ZFR2: variants seen among roughly 807,000 people sequenced by gnomAD.
The protein encoded by ZFR2 is zinc finger RNA-binding protein 2.
A neutral mutation model predicts 105.7 loss-of-function variants in ZFR2; 104 were observed. That is an observed-to-expected ratio of 0.98 (90% CI 0.84 to 1.16). The LOEUF (loss-of-function observed/expected upper bound fraction) is 1.16, where lower values mean the gene tolerates loss of function less well. Ranked by LOEUF, ZFR2 falls within the 50% of genes most tolerant of loss-of-function variation. The pLI is 0.00. For synonymous variants in ZFR2, 634 were observed against 597.7 expected, an observed-to-expected ratio of 1.06 and a Z score of -0.89; for missense variants, 1,425 against 1,355.5, an observed-to-expected ratio of 1.05 and a Z score of -0.80.
rs920160972 is a variant in ZFR2, at chr19:3,838,965, G to T, written c.54-3982C>A. ...CAGGCACATGTGCTGAACGGCGCTT[G>T]TGTTGGGGAGGGCTCTGTCAGACAC... is the stretch of plus-strand genomic sequence containing the variant. On this transcript the variant is annotated intron_variant, in intron 1 of 18. Coordinates refer to ENST00000262961, the MANE Select transcript of ZFR2 (RefSeq NM_015174.2). This position sits in a 1 kb window ranked among gnomAD's most constrained non-coding sequence, Gnocchi z 4.9. 2.6e-5 allele frequency among the ~76,000 whole-genome samples: 4 copies of T among 152,126 alleles called. No individual in the cohort carries two copies. In the South Asian group the frequency reaches 6.2e-4, roughly 24 times the overall value.
intron 13 of ZFR2, among the ~76,000 whole-genome samples, chr19:3,814,560 C>G (rs979102574): frequency 6.6e-6 from 1 of 152,206 alleles, no homozygotes; most frequent in Non-Finnish European, 1.5e-5. Flanking sequence ...TGCAAGGCAG[C>G]CCCCAGGGGG....
At chr19:3,861,815 G>A (rs1223777340) in intron 1 of ZFR2, among the ~76,000 whole-genome samples, 4 of 152,016 alleles carry the variant, frequency 2.6e-5, no homozygotes, top group African/African-American at 9.7e-5. Flanking sequence ...AGTCCCAGCT[G>A]CTAGGGAGGC....
At chr19:3,833,049 C>A (rs984123881) in intron 3 of ZFR2, among the ~76,000 whole-genome samples, 1 of 150,510 alleles carries the variant, frequency 6.6e-6, no homozygotes, top group African/African-American at 2.4e-5. Flanking sequence ...GAGTTCAAGA[C>A]CAGCCTGGCT....
At chr19:3,864,165 CTT>C (rs770621777) in intron 1 of ZFR2, among the ~76,000 whole-genome samples, 22 of 152,078 alleles carry the variant, frequency 1.4e-4, no homozygotes, top group Non-Finnish European at 2.8e-4. Context: ...CAGGAGATCT[CTT>C]GAGGCCGGTT....
intron 1 of ZFR2, among the ~76,000 whole-genome samples, chr19:3,854,234 CA>C (rs57111652): frequency 6.6e-6 from 1 of 151,504 alleles, no homozygotes; most frequent in African/African-American, 2.4e-5. Flanking sequence ...TATAAAAATA[CA>C]AAAAAAATGA....
At chr19:3,853,155 G>A (rs896625092) in intron 1 of ZFR2, among the ~76,000 whole-genome samples, 4 of 152,202 alleles carry the variant, frequency 2.6e-5, no homozygotes, top group African/African-American at 9.7e-5. Context: ...GGGGTCCCTG[G>A]GGCTGGGGAC....
At chr19:3,815,467 A>G (rs1227599265) in intron 13 of ZFR2, among the ~76,000 whole-genome samples, 1 of 152,216 alleles carries the variant, frequency 6.6e-6, no homozygotes, top group Non-Finnish European at 1.5e-5. Context: ...TCTCTAGAGG[A>G]AAAAAATTCA....
chr19:3,855,206 T>C (rs1199223628), intron 1 of ZFR2, among the ~76,000 whole-genome samples: 1 of 152,194 alleles, frequency 6.6e-6, no homozygotes, highest in Non-Finnish European at 1.5e-5. Flanking sequence ...AAGTTTTTCT[T>C]TTTTTAATGT....
At chr19:3,863,019 C>G (rs62133047) in intron 1 of ZFR2, among the ~76,000 whole-genome samples, 20,350 of 152,202 alleles carry the variant, frequency 0.13, 1,705 homozygotes, top group East Asian at 0.27. Context: ...CAGGTATGCG[C>G]CCTGGCCCCC....
intron 1 of ZFR2, among the ~76,000 whole-genome samples, chr19:3,867,491 G>A (rs528717245): frequency 6.6e-6 from 1 of 152,068 alleles, no homozygotes; most frequent in South Asian, 2.1e-4. Context: ...CCTACCCTCT[G>A]AGCCCTTCTG....
rs139483174 is a variant in ZFR2 at position 3,844,668 on chromosome 19, C to T, written c.54-9685G>A. Among the ~76,000 whole-genome samples the T allele has an allele frequency of 3.8e-3, 582 of 152,228 alleles. 4 individuals are homozygous for T. The highest frequency in any genetic ancestry group is 0.013 in the African/African-American group (556 of 41,544). ...ACATGTGTGAGCCACTGCGCCTGGC[C>T]CAATGTTTTACATTTAAATTGCATT... On this transcript the variant is annotated intron_variant, in intron 1 of 18. Transcript: ENST00000262961.
intron 1 of ZFR2, 107 bp downstream of exon 1, chr19:3,868,857 TG>T: frequency 1.0e-6 from 1 of 955,218 alleles, no homozygotes; most frequent in Non-Finnish European, 1.4e-6. Flanking sequence ...AGGTTGGGGC[TG>T]GGACTGGGGC....
At chr19:3,825,911 TG>T (rs1173821229) in intron 6 of ZFR2, among the ~76,000 whole-genome samples, 1 of 152,138 alleles carries the variant, frequency 6.6e-6, no homozygotes, top group Non-Finnish European at 1.5e-5. Context: ...AAGGTGTTTC[TG>T]GCAAAGGTTC....
rs2038107059 is a variant in ZFR2, at chr19:3,838,976, G to A, written c.54-3993C>T. 6.6e-6 allele frequency among the ~76,000 whole-genome samples: 1 copy of A among 152,058 alleles called. No individual in the cohort carries two copies. The highest frequency in any genetic ancestry group is 1.5e-5 in the Non-Finnish European group (1 of 68,000). On this transcript the variant is annotated intron_variant, in intron 1 of 18. Coordinates refer to ENST00000262961, the MANE Select transcript of ZFR2 (RefSeq NM_015174.2). The surrounding 1 kb of genome is among the most constrained non-coding windows in gnomAD (Gnocchi z 4.9). ...GCTGAACGGCGCTTGTGTTGGGGAG[G>A]GCTCTGTCAGACACCTCAGCCTGTT...
Position 3,834,906 on chromosome 19 carries a change from G to T in ZFR2, c.131C>A (p.Ala44Asp). ...TAQPTPGMDPAVNPAFPPAAP... is the reference protein window; with the variant it reads ...TAQPTPGMDPDVNPAFPPAAP... ...AGCTGGGGGAAAGGCCGGGTTCACG[G>T]CAGGGTCCATCCCAGGAGTGGGTTG... The change falls in exon 2 of 19, where the codon GCC becomes GAC. Residue 44 changes from alanine (A) to aspartate (D), a missense_variant. Ala to Asp is a moderately radical substitution (Grantham distance 126, BLOSUM62 -2). Coordinates refer to ENST00000262961, the MANE Select transcript of ZFR2 (RefSeq NM_015174.2). The surrounding 1 kb of genome is among the most constrained non-coding windows in gnomAD (Gnocchi z 5.3). 1 of 1,611,794 alleles carries T rather than the reference G, an allele frequency of 6.2e-7. No homozygotes were observed. The highest frequency in any genetic ancestry group is 8.5e-7 in the Non-Finnish European group (1 of 1,179,120).
chr19:3,821,981 G>C (rs1317703464), intron 9 of ZFR2, 100 bp downstream of exon 9: 9 of 1,454,192 alleles, frequency 6.2e-6, no homozygotes, highest in Admixed American at 2.6e-5. Context: ...TAAGTTCGTC[G>C]GATCACACGC....
chr19:3,811,873 G>A (rs1459102226), intron 14 of ZFR2, among the ~76,000 whole-genome samples: 2 of 152,152 alleles, frequency 1.3e-5, no homozygotes, highest in Non-Finnish European at 2.9e-5. Flanking sequence ...TGATCCTCCT[G>A]CCTCAGCCTC....
intron 18 of ZFR2, among the ~76,000 whole-genome samples, chr19:3,806,943 C>T (rs1199491338): frequency 2.0e-5 from 3 of 152,184 alleles, no homozygotes; most frequent in Non-Finnish European, 2.9e-5. Flanking sequence ...GAGGTCTGGG[C>T]GTCATTAACG....
Position 3,834,714 on chromosome 19 carries a change from C to T in ZFR2, c.264+59G>A. ...GTAGCTGTGGGAAGCCCACCGCTCTCACCCATGCAAGGCGACCCACGTTTC... is the reference window on the plus strand; with the variant it reads ...GTAGCTGTGGGAAGCCCACCGCTCTTACCCATGCAAGGCGACCCACGTTTC... On this transcript the variant is annotated intron_variant, in intron 2 of 18. Transcript: ENST00000262961. This position sits in a 1 kb window ranked among gnomAD's most constrained non-coding sequence, Gnocchi z 5.3. 2 of 1,550,036 alleles carry T rather than the reference C, an allele frequency of 1.3e-6. No homozygotes were observed. Among genetic ancestry groups the T allele is most frequent in the Non-Finnish European group, 8.8e-7 (1 of 1,137,226 alleles).
Sources: gnomAD v4.1 joint callset for allele counts (sites outside exome capture counted in the v4.1 genomes callset) on GRCh38, gnomAD v4.1.1 for gene constraint, Gnocchi (gnomAD v3.1) non-coding constraint, MANE v1.5 for transcripts, NCBI Gene and HGNC (gene_info 2026-07-23, HGNC 2026-07-21) for gene names.